PHKB: variants seen among roughly 807,000 people sequenced by gnomAD.
PHKB encodes the protein phosphorylase kinase regulatory subunit beta.
PHKB carries 122 observed loss-of-function variants against 152.1 expected under a neutral mutation model. The ratio of observed to expected loss-of-function variants is 0.80; its 90% CI spans 0.69 to 0.93. PHKB has a LOEUF of 0.93. Among genes scored for constraint, PHKB ranks in the 40% least tolerant of loss-of-function variants. The pLI is 0.00. For missense variants in PHKB, 1,304 were observed against 1,328.4 expected (o/e 0.98, Z 0.29); for synonymous variants, 436 against 464.9 (o/e 0.94, Z 0.80).
intron 6 of PHKB, among the ~76,000 whole-genome samples, chr16:47,517,727 ATAGT>A (rs1169217552): frequency 1.3e-5 from 2 of 152,030 alleles, no homozygotes; most frequent in Non-Finnish European, 2.9e-5. Context: ...AAATTTTTGG[ATAGT>A]TCCTTACCTT....
chr16:47,546,621 G>A (rs890676033), intron 6 of PHKB, among the ~76,000 whole-genome samples: 1 of 152,198 alleles, frequency 6.6e-6, no homozygotes, highest in Non-Finnish European at 1.5e-5. Flanking sequence ...TGTGCTGGGA[G>A]AACCACTGCC....
intron 26 of PHKB, among the ~76,000 whole-genome samples, chr16:47,685,430 G>GA (rs1022816653): frequency 6.7e-6 from 1 of 150,288 alleles, no homozygotes; most frequent in African/African-American, 2.4e-5. Flanking sequence ...TCCTCAAAAA[G>GA]AAAAAAAAAG....
intron 27 of PHKB, among the ~76,000 whole-genome samples, chr16:47,692,493 G>A (rs944387102): frequency 9.2e-5 from 14 of 152,074 alleles, no homozygotes; most frequent in Non-Finnish European, 1.9e-4. Context: ...GTGCATGTCT[G>A]TAATCTTAGC....
At chr16:47,626,338 A>C (rs73534789) in intron 14 of PHKB, among the ~76,000 whole-genome samples, 10,666 of 152,238 alleles carry the variant, frequency 0.07, 625 homozygotes, top group African/African-American at 0.16. Context: ...TGACCCAGTG[A>C]TGATAAATCT....
intron 6 of PHKB, among the ~76,000 whole-genome samples, chr16:47,532,028 T>C (rs942598731): frequency 1.3e-5 from 2 of 152,186 alleles, no homozygotes; most frequent in African/African-American, 4.8e-5. Flanking sequence ...ACACAAGATA[T>C]GTATCTAGAA....
At chr16:47,513,594 T>C (rs1970546384) in intron 5 of PHKB, among the ~76,000 whole-genome samples, 1 of 152,116 alleles carries the variant, frequency 6.6e-6, no homozygotes, top group African/African-American at 2.4e-5. Flanking sequence ...AGCCCTGGGC[T>C]CCTCTGCCCA....
intron 20 of PHKB, among the ~76,000 whole-genome samples, chr16:47,656,501 A>G (rs1475612576): frequency 6.6e-6 from 1 of 152,244 alleles, no homozygotes; most frequent in Non-Finnish European, 1.5e-5. Context: ...GAATTTAAAT[A>G]TGTACTTTGC....
chr16:47,693,609 A>G, intron 28 of PHKB, 102 bp downstream of exon 28: 1 of 1,254,872 alleles, frequency 8.0e-7, no homozygotes, highest in Non-Finnish European at 1.1e-6. Flanking sequence ...TCAGCGTTCT[A>G]AGAGTATTTT....
intron 1 of PHKB, chr16:47,463,581 G>C (rs991387204): frequency 3.4e-6 from 1 of 293,664 alleles, no homozygotes; most frequent in African/African-American, 2.2e-5. Flanking sequence ...CTCCAGTATA[G>C]AGTCCTCCCC....
intron 1 of PHKB, among the ~76,000 whole-genome samples, chr16:47,496,519 T>C (rs13334342): frequency 0.12 from 17,584 of 152,040 alleles, 2,193 homozygotes; most frequent in African/African-American, 0.32. Context: ...AGGTTCATTT[T>C]TGTGCTATGT....
Position 47,641,701 on chromosome 16 carries a change from T to A in PHKB, c.1608+9T>A. The A allele has an allele frequency of 6.9e-7, 1 of 1,442,236 alleles. No homozygotes were observed. Among genetic ancestry groups the A allele is most frequent in the Non-Finnish European group, 9.8e-7 (1 of 1,023,390 alleles). The allele number at this position is 1,442,236 out of a possible 1,614,324, so 89.3% of individuals were successfully genotyped here. Reference sequence around the variant, plus strand: ...AGCAGGAGCTTGTGAAAGTAAGTGATTCTGCCTTTTACTTTCCTTACTTTG... The same window carrying A: ...AGCAGGAGCTTGTGAAAGTAAGTGAATCTGCCTTTTACTTTCCTTACTTTG... On this transcript the variant is annotated intron_variant, in intron 16 of 30. Coordinates refer to ENST00000323584, the MANE Select transcript of PHKB (RefSeq NM_000293.3).
chr16:47,552,701 C>T (rs973716326), intron 7 of PHKB, among the ~76,000 whole-genome samples: 3 of 151,694 alleles, frequency 2.0e-5, no homozygotes, highest in South Asian at 2.1e-4. Context: ...CCCAGCAATT[C>T]GGGAGGCTGA....
chr16:47,495,641 A>T (rs1970219051), intron 1 of PHKB, among the ~76,000 whole-genome samples: 1 of 151,894 alleles, frequency 6.6e-6, no homozygotes, highest in East Asian at 1.9e-4. Flanking sequence ...GAGTGTATAG[A>T]CTCCTAGAGC....
chr16:47,575,490 A>G (rs1005911207), intron 7 of PHKB, among the ~76,000 whole-genome samples: 1 of 152,252 alleles, frequency 6.6e-6, no homozygotes, highest in African/African-American at 2.4e-5. Flanking sequence ...GAAAATGTGT[A>G]TATGTACACA....
At chr16:47,545,521 T>C (rs546793833) in intron 6 of PHKB, among the ~76,000 whole-genome samples, 1 of 152,354 alleles carries the variant, frequency 6.6e-6, no homozygotes, top group South Asian at 2.1e-4. Flanking sequence ...TGGCTGCTGT[T>C]AATATTTTTT....
At chr16:47,546,099 C>A (rs1456795861) in intron 6 of PHKB, among the ~76,000 whole-genome samples, 2 of 152,220 alleles carry the variant, frequency 1.3e-5, no homozygotes, top group African/African-American at 4.8e-5. Context: ...TCTTTGAACT[C>A]GTCAAAGTCA....
intron 14 of PHKB, among the ~76,000 whole-genome samples, chr16:47,635,431 G>T (rs980952884): frequency 6.6e-6 from 1 of 152,202 alleles, no homozygotes. Context: ...TTTTGTTTTG[G>T]TTTTTTAGCT....
intron 26 of PHKB, among the ~76,000 whole-genome samples, chr16:47,678,459 A>G (rs1436144085): frequency 6.6e-6 from 1 of 152,040 alleles, no homozygotes; most frequent in Non-Finnish European, 1.5e-5. Flanking sequence ...AATGATCGCC[A>G]TTCTAACTGG....
At chr16:47,633,727 C>T (rs1220705556) in intron 14 of PHKB, among the ~76,000 whole-genome samples, 1 of 152,152 alleles carries the variant, frequency 6.6e-6, no homozygotes, top group African/African-American at 2.4e-5. Flanking sequence ...TACTCTAAAA[C>T]AGATGGGAGA....
Sources: gnomAD v4.1 joint callset for allele counts (sites outside exome capture counted in the v4.1 genomes callset) on GRCh38, gnomAD v4.1.1 for gene constraint, MANE v1.5 for transcripts, NCBI Gene and HGNC (gene_info 2026-07-23, HGNC 2026-07-21) for gene names.